NRG2: variants seen among roughly 807,000 people sequenced by gnomAD.
NRG2 encodes pro-neuregulin-2, membrane-bound isoform.
NRG2 carries 27 observed loss-of-function variants against 73.9 expected under a neutral mutation model. The ratio of observed to expected loss-of-function variants is 0.37; its 90% confidence interval spans 0.27 to 0.50. The LOEUF (loss-of-function observed/expected upper bound fraction) is 0.50, where lower values mean the gene tolerates loss of function less well. NRG2 is among the 20% of genes least tolerant of loss of function. NRG2 has a pLI of 0.96. For synonymous variants in NRG2, 532 were observed against 541.0 expected (o/e 0.98, Z 0.23); for missense variants, 1,126 against 1,210.1 (o/e 0.93, Z 1.03).
chr5:140,031,101 G>T (rs1761109842), intron 1 of NRG2, among the ~76,000 whole-genome samples: 1 of 152,164 alleles, frequency 6.6e-6, no homozygotes, highest in Non-Finnish European at 1.5e-5. Flanking sequence ...TCCCCATTAG[G>T]CCTGTCAGAC....
chr5:139,998,160 G>C (rs952222931), intron 1 of NRG2, among the ~76,000 whole-genome samples: 5 of 152,136 alleles, frequency 3.3e-5, no homozygotes, highest in African/African-American at 1.2e-4. Context: ...AGGAGGCCTT[G>C]GTTCTAGCTC....
chr5:139,847,742 G>C lies in NRG2; in HGVS notation c.*175C>G, dbSNP rs1761083851. 2.2e-6 allele frequency: 1 copy of C among 444,632 alleles called. No individual in the cohort carries two copies. Among genetic ancestry groups the C allele is most frequent in the Non-Finnish European group, 3.7e-6 (1 of 268,788 alleles). 27.5% of individuals were successfully genotyped at this position (444,632 alleles called of 1,614,324 possible). ...ATAAAAACGCCTTTGCCGTTAGCTA[G>C]TATTATAAGACAATTTTTGCTAAAA... On this transcript the variant is annotated 3_prime_UTR_variant, in exon 10 of 10. Coordinates refer to ENST00000361474, the MANE Select transcript of NRG2 (RefSeq NM_004883.3).
intron 1 of NRG2, among the ~76,000 whole-genome samples, chr5:139,907,623 T>C (rs368183798): frequency 5.3e-5 from 8 of 152,174 alleles, no homozygotes; most frequent in African/African-American, 1.9e-4. Context: ...GCTCATGACT[T>C]GGTATCAAAT....
intron 1 of NRG2, among the ~76,000 whole-genome samples, chr5:139,937,915 C>T (rs1056951421): frequency 6.6e-6 from 1 of 151,900 alleles, no homozygotes; most frequent in Non-Finnish European, 1.5e-5. Flanking sequence ...AACTACACAC[C>T]GAAAACTATG....
At chr5:140,017,665 G>A (rs155345) in intron 1 of NRG2, among the ~76,000 whole-genome samples, 34,220 of 152,056 alleles carry the variant, frequency 0.23, 4,030 homozygotes, top group African/African-American at 0.28. Context: ...CGATGGAGTC[G>A]GAGATGGTAG....
In NRG2 at chr5:139,865,777, G is replaced by T; in HGVS notation, c.1113-152C>A. The T allele has an allele frequency of 1.7e-6, 1 of 588,540 alleles. No homozygotes were observed. Among genetic ancestry groups the T allele is most frequent in the Non-Finnish European group, 2.9e-6 (1 of 342,292 alleles). 36.5% of individuals were successfully genotyped at this position (588,540 alleles called of 1,614,324 possible). A position where few individuals can be genotyped will look rare whatever the true frequency, so the allele number is the denominator to read the frequency against. ...CTGAAGGGACTGGAGTCAGGGCTGG[G>T]TGGAGGGCTCTGAAATCTCCTTAAA... On this transcript the variant is annotated intron_variant, in intron 4 of 9. Coordinates refer to ENST00000361474, the MANE Select transcript of NRG2 (RefSeq NM_004883.3). This position sits in a 1 kb window ranked among gnomAD's most constrained non-coding sequence, Gnocchi z 5.2.
In NRG2 at chr5:139,848,311, G is replaced by T. The variant is rs1443731710; in HGVS notation, c.2159C>A (p.Ala720Glu). ...DDEYETTQEC[A>E]PPPPPRPRAR... ...GCGCGGCCGCGGCGGCGGCGGGGGC[G>T]CGCACTCCTGCGTGGTCTCGTACTC... Residue 720 changes from alanine (A) to glutamate (E), a missense_variant, in exon 10 of 10, where the codon GCG becomes GAG. This residue lies in a region of NRG2 where 402 missense variants were observed against 357.8 expected (regional missense o/e 1.12). Coordinates refer to ENST00000361474, the MANE Select transcript of NRG2 (RefSeq NM_004883.3). 1 of 1,180,014 alleles carries T rather than the reference G, an allele frequency of 8.5e-7. No homozygotes were observed. The highest frequency in any genetic ancestry group is 3.7e-5 in the East Asian group (1 of 27,274). The allele number at this position is 1,180,014 out of a possible 1,614,324, so 73.1% of individuals were successfully genotyped here. A position where few individuals can be genotyped will look rare whatever the true frequency, so the allele number is the denominator to read the frequency against.
chr5:140,025,228 A>G (rs1202995457), intron 1 of NRG2, among the ~76,000 whole-genome samples: 1 of 152,160 alleles, frequency 6.6e-6, no homozygotes, highest in Non-Finnish European at 1.5e-5. Context: ...TCAGACTGCA[A>G]TTCTGCCATT....
chr5:139,861,668 A>G, intron 5 of NRG2: 1 of 491,726 alleles, frequency 2.0e-6, no homozygotes, highest in Admixed American at 2.1e-5. Flanking sequence ...AGGCAGGAAA[A>G]AGTTGCCGTA....
intron 1 of NRG2, among the ~76,000 whole-genome samples, chr5:140,022,503 A>C (rs560758206): frequency 1.3e-5 from 2 of 152,346 alleles, no homozygotes; most frequent in Admixed American, 1.3e-4. Flanking sequence ...GGCTCTGCAC[A>C]AAGAAAGCAT....
chr5:139,979,801 A>G (rs1756655192), intron 1 of NRG2, among the ~76,000 whole-genome samples: 1 of 152,220 alleles, frequency 6.6e-6, no homozygotes, highest in African/African-American at 2.4e-5. Context: ...CTTGACTGCA[A>G]TGGCATGAGA....
chr5:139,944,954 G>A (rs763494435), intron 1 of NRG2, among the ~76,000 whole-genome samples: 2 of 152,112 alleles, frequency 1.3e-5, no homozygotes, highest in Admixed American at 1.3e-4. Flanking sequence ...CCTAACTGGG[G>A]TGAGATGATA....
Position 139,887,211 on chromosome 5 carries a change from G to A in NRG2, c.872+129C>T. On this transcript the variant is annotated intron_variant, in intron 2 of 9. Transcript: ENST00000361474. The surrounding 1 kb of genome is among the most constrained non-coding windows in gnomAD (Gnocchi z 4.5). Reference sequence around the variant, plus strand: ...GAGTGGCAAGGAAGGGGAGTATGGAGAGGGGCTGGGACTGGTTCCATGGGT... The same window carrying A: ...GAGTGGCAAGGAAGGGGAGTATGGAAAGGGGCTGGGACTGGTTCCATGGGT... 2 of 1,061,942 alleles carry A rather than the reference G, an allele frequency of 1.9e-6. No individual in the cohort carries two copies. The highest frequency in any genetic ancestry group is 2.8e-6 in the Non-Finnish European group (2 of 715,434). 65.8% of individuals were successfully genotyped at this position (1,061,942 alleles called of 1,614,324 possible). A position where few individuals can be genotyped will look rare whatever the true frequency, so the allele number is the denominator to read the frequency against.
intron 1 of NRG2, among the ~76,000 whole-genome samples, chr5:140,004,729 T>C (rs944664988): frequency 6.6e-6 from 1 of 152,168 alleles, no homozygotes. Flanking sequence ...AATGACTATA[T>C]GCAACGTGGG....
chr5:139,890,314 C>T (rs2127138533), intron 1 of NRG2, among the ~76,000 whole-genome samples: 1 of 152,260 alleles, frequency 6.6e-6, no homozygotes, highest in African/African-American at 2.4e-5. Flanking sequence ...GTCTGTTTTC[C>T]TATCGAGTGC....
intron 1 of NRG2, among the ~76,000 whole-genome samples, chr5:139,925,884 C>T (rs910034531): frequency 2.6e-5 from 4 of 152,228 alleles, no homozygotes; most frequent in African/African-American, 9.6e-5. Flanking sequence ...TCTCTACCCA[C>T]TCCACAGGGT....
intron 1 of NRG2, among the ~76,000 whole-genome samples, chr5:139,981,909 T>C (rs1240944059): frequency 2.6e-5 from 4 of 151,916 alleles, no homozygotes; most frequent in Middle Eastern, 6.3e-3. Context: ...AGAGGAGGCA[T>C]GGGAAGAAAA....
At chr5:140,025,724 T>C (rs1760633210) in intron 1 of NRG2, among the ~76,000 whole-genome samples, 1 of 152,236 alleles carries the variant, frequency 6.6e-6, no homozygotes, top group Non-Finnish European at 1.5e-5. Context: ...CAATGGCCAG[T>C]TTTAATTCCA....
chr5:139,969,748 C>G (rs1228853194), intron 1 of NRG2, among the ~76,000 whole-genome samples: 1 of 152,108 alleles, frequency 6.6e-6, no homozygotes, highest in Non-Finnish European at 1.5e-5. Context: ...GCTTCTAGTT[C>G]CACCCCAAAT....
Sources: allele counts gnomAD v4.1 joint callset (sites outside exome capture counted in the v4.1 genomes callset), GRCh38; gene constraint gnomAD v4.1.1; regional missense constraint gnomAD v4.1.1; non-coding constraint Gnocchi (gnomAD v3.1); transcripts MANE v1.5; gene names NCBI Gene and HGNC (gene_info 2026-07-23, HGNC 2026-07-21).